Variants in SUPT3H observed in about 807,000 individuals in gnomAD.
SUPT3H encodes the protein transcription initiation protein SPT3 homolog.
A neutral mutation model predicts 44.3 loss-of-function variants in SUPT3H; 44 were observed. That is an observed-to-expected ratio of 0.99 (90% CI 0.78 to 1.28). The LOEUF is 1.28. SUPT3H is among the 50% of genes most tolerant of loss of function. The pLI is 0.00. For synonymous variants in SUPT3H, 124 were observed against 125.6 expected, an observed-to-expected ratio of 0.99 and a Z score of 0.09; for missense variants, 380 against 387.1, an observed-to-expected ratio of 0.98 and a Z score of 0.15.
intron 3 of SUPT3H, among the ~76,000 whole-genome samples, chr6:45,060,003 GA>G (rs1477659982): frequency 6.6e-6 from 1 of 152,012 alleles, no homozygotes; most frequent in Non-Finnish European, 1.5e-5. Context: ...TCAATATCGT[GA>G]AAATGGCCAT....
At chr6:44,925,230 G>C (rs553726007) in intron 10 of SUPT3H, among the ~76,000 whole-genome samples, 1 of 152,282 alleles carries the variant, frequency 6.6e-6, no homozygotes, top group Non-Finnish European at 1.5e-5. Context: ...TCTAGGGTTA[G>C]TTCTGTCATG....
At chr6:45,222,040 T>C (rs1308141903) in intron 2 of SUPT3H, among the ~76,000 whole-genome samples, 2 of 152,072 alleles carry the variant, frequency 1.3e-5, no homozygotes, top group Admixed American at 1.3e-4. Context: ...ATATAACCTT[T>C]TCAACAAATA....
rs575411166 is a variant in SUPT3H at position 45,075,072 on chromosome 6, G to A, written c.186+30850C>T. Among the ~76,000 whole-genome samples, 22 of 152,140 alleles carry A rather than the reference G, an allele frequency of 1.4e-4. No homozygotes were observed. In the East Asian group the frequency reaches 1.7e-3, roughly 12 times the overall value. The stretch of plus-strand genomic sequence containing the variant: ...TCTCTCTCCTAAGGAATGATAGCTT[G>A]TCAATTCTCAGAGACTAACATGGTT... On this transcript the variant is annotated intron_variant, in intron 3 of 10. Transcript: ENST00000371459.
At chr6:44,892,941 CT>C (rs199498622) in intron 10 of SUPT3H, among the ~76,000 whole-genome samples, 3 of 151,514 alleles carry the variant, frequency 2.0e-5, no homozygotes, top group African/African-American at 7.3e-5. Flanking sequence ...GTACTTTACT[CT>C]TTTTTTTTAA....
intron 2 of SUPT3H, among the ~76,000 whole-genome samples, chr6:45,256,780 G>C (rs916530764): frequency 6.6e-6 from 1 of 152,030 alleles, no homozygotes; most frequent in African/African-American, 2.4e-5. Context: ...CGTCCTTTTT[G>C]TGCCTGAATA....
At chr6:44,951,557 T>C (rs1369825035) in intron 9 of SUPT3H, among the ~76,000 whole-genome samples, 4 of 152,110 alleles carry the variant, frequency 2.6e-5, no homozygotes, top group Non-Finnish European at 5.9e-5. Context: ...AGAAAAAAGT[T>C]TGAGGCTTAT....
intron 9 of SUPT3H, among the ~76,000 whole-genome samples, chr6:44,943,148 A>G (rs1266142847): frequency 6.6e-6 from 1 of 152,108 alleles, no homozygotes; most frequent in Non-Finnish European, 1.5e-5. Context: ...ATTTGTAACA[A>G]ACGGACAAAT....
chr6:45,247,938 T>C (rs1210024150), intron 2 of SUPT3H, among the ~76,000 whole-genome samples: 1 of 152,220 alleles, frequency 6.6e-6, no homozygotes, highest in East Asian at 1.9e-4. Flanking sequence ...GTCAATTGAC[T>C]GTTCACAAGG....
intron 2 of SUPT3H, among the ~76,000 whole-genome samples, chr6:45,324,589 G>A (rs987063125): frequency 1.3e-5 from 2 of 151,824 alleles, no homozygotes; most frequent in Non-Finnish European, 1.5e-5. Context: ...AGGAATGGGG[G>A]AGACAGGTAG....
intron 2 of SUPT3H, chr6:45,361,490 G>A (rs1178444349): frequency 6.6e-6 from 1 of 152,106 alleles, no homozygotes; most frequent in Non-Finnish European, 1.5e-5. Flanking sequence ...CTCTCAAAGT[G>A]CATTTAAATT....
At chr6:45,227,289 A>G (rs1225215160) in intron 2 of SUPT3H, among the ~76,000 whole-genome samples, 2 of 151,934 alleles carry the variant, frequency 1.3e-5, no homozygotes, top group Non-Finnish European at 1.5e-5. Flanking sequence ...TTTATATTAG[A>G]TATCTTTTGA....
chr6:45,328,520 T>A, intron 2 of SUPT3H: 1 of 1,558,516 alleles, frequency 6.4e-7, no homozygotes, highest in Non-Finnish European at 8.7e-7. Flanking sequence ...TATTTGCTCA[T>A]TCTCTTTTTG....
chr6:45,052,041 A>G (rs770559992), intron 3 of SUPT3H, among the ~76,000 whole-genome samples: 3 of 152,242 alleles, frequency 2.0e-5, no homozygotes, highest in Non-Finnish European at 2.9e-5. Flanking sequence ...GGAGTATTAT[A>G]GACAAAAGCA....
At chr6:44,945,429 T>C (rs1238070777) in intron 9 of SUPT3H, among the ~76,000 whole-genome samples, 1 of 152,212 alleles carries the variant, frequency 6.6e-6, no homozygotes, top group Non-Finnish European at 1.5e-5. Context: ...GGATGAAAGC[T>C]AGCCCTCTTG....
chr6:45,305,496 A>G (rs751468962), intron 2 of SUPT3H, among the ~76,000 whole-genome samples: 4 of 152,218 alleles, frequency 2.6e-5, no homozygotes, highest in Non-Finnish European at 4.4e-5. Context: ...GTTTGTTTAT[A>G]AATTAAATTA....
intron 2 of SUPT3H, among the ~76,000 whole-genome samples, chr6:45,225,788 ATC>A (rs1332559014): frequency 6.6e-6 from 1 of 152,164 alleles, no homozygotes; most frequent in Non-Finnish European, 1.5e-5. Context: ...ACATACAAAA[ATC>A]TCTTTTATAC....
chr6:45,019,167 T>A (rs1784746036), intron 4 of SUPT3H, among the ~76,000 whole-genome samples: 1 of 152,196 alleles, frequency 6.6e-6, no homozygotes, highest in Non-Finnish European at 1.5e-5. Flanking sequence ...GATGGTAGTT[T>A]GTATTTCTGT....
chr6:45,204,541 G>A (rs1337536412), intron 2 of SUPT3H, among the ~76,000 whole-genome samples: 1 of 152,136 alleles, frequency 6.6e-6, no homozygotes, highest in Non-Finnish European at 1.5e-5. Context: ...GAAGATGCTC[G>A]TTCCTTCCAC....
chr6:45,286,996 A>T (rs1045173215), intron 2 of SUPT3H, among the ~76,000 whole-genome samples: 3 of 152,160 alleles, frequency 2.0e-5, no homozygotes, highest in Admixed American at 6.6e-5. Context: ...ACAAGGAGAA[A>T]AAACCAAACA....
Sources: allele counts gnomAD v4.1 joint callset (sites outside exome capture counted in the v4.1 genomes callset), GRCh38; gene constraint gnomAD v4.1.1; transcripts MANE v1.5; gene names NCBI Gene and HGNC (gene_info 2026-07-23, HGNC 2026-07-21).